Variants in DPYS observed in about 807,000 individuals in gnomAD.
The protein encoded by DPYS is dihydropyrimidine amidohydrolase.
A neutral mutation model predicts 50.3 loss-of-function variants in DPYS; 39 were observed. That is an observed-to-expected ratio of 0.78 (90% CI 0.60 to 1.01). The LOEUF (loss-of-function observed/expected upper bound fraction) is 1.01. Among genes scored for constraint, DPYS ranks in the 50% least tolerant of loss-of-function variants. The probability of loss-of-function intolerance (pLI) is 0.00; values close to 1 mark genes in which losing one functional copy is unlikely to be tolerated. For synonymous variants in DPYS, 245 were observed against 250.7 expected, an observed-to-expected ratio of 0.98 and a Z score of 0.22; for missense variants, 659 against 680.9, an observed-to-expected ratio of 0.97 and a Z score of 0.36.
chr8:104,447,607 AG>A (rs1813584618), intron 2 of DPYS, 104 bp from the exon 3 acceptor site: 2 of 1,315,826 alleles, frequency 1.5e-6, no homozygotes, highest in Middle Eastern at 2.4e-4. Context: ...AAGTAAAATA[AG>A]GAAAATAAGG....
At position 104,428,037 on chromosome 8, in the gene DPYS, G is replaced by T. The variant is rs1588435868; in HGVS notation, c.1035C>A (p.Ile345=). 1 of 1,614,212 alleles carries T rather than the reference G, an allele frequency of 6.2e-7. No individual in the cohort carries two copies. ...CTTCAACACCATTCACCCCATTGGGGATCTTGGTAAAATCATCCTTCCCAA... is the reference window on the plus strand; with the variant it reads ...CTTCAACACCATTCACCCCATTGGGTATCTTGGTAAAATCATCCTTCCCAA... ...KALGKDDFTK[I]PNGVNGVEDR... The change falls in exon 6 of 10, where the codon ATC becomes ATA. Residue 345 remains isoleucine (I), a synonymous_variant. Transcript: ENST00000351513.
At position 104,424,386 on chromosome 8, in the gene DPYS, T is replaced by G; in HGVS notation, c.1096A>C (p.Ser366Arg). The change falls in exon 7 of 10, where the codon AGT becomes CGT. Residue 366 changes from serine to arginine, a missense_variant. Coordinates refer to ENST00000351513, the MANE Select transcript of DPYS (RefSeq NM_001385.3). ...AATCTGTTTTCATCCATTTTACCAC[T>G]ATGCTGTAAAGCAATTCAAAGAATC... ...MSVIWEKGVH[S>R]GKMDENRFVA... The G allele has an allele frequency of 6.2e-7, 1 of 1,613,706 alleles. No individual in the cohort carries two copies. The highest frequency in any genetic ancestry group is 8.5e-7 in the Non-Finnish European group (1 of 1,179,970).
intron 8 of DPYS, 87 bp downstream of exon 8, chr8:104,392,697 C>CATCACA (rs1168866388): frequency 2.6e-6 from 4 of 1,520,658 alleles, no homozygotes; most frequent in Non-Finnish European, 3.6e-6. Context: ...GATGTGTCAA[C>CATCACA]ACCACTACTA....
At chr8:104,393,748 A>G (rs1311907906) in intron 7 of DPYS, among the ~76,000 whole-genome samples, 1 of 152,244 alleles carries the variant, frequency 6.6e-6, no homozygotes, top group African/African-American at 2.4e-5. Flanking sequence ...TTAAATGGAA[A>G]AGAAAAAAAT....
In DPYS at chr8:104,451,375, A is replaced by C. The variant is rs575807600; in HGVS notation, c.294T>G (p.Ile98Met). Reference protein sequence around the residue: ...KAALSGGTTMIIDFAIPQKGG... With the variant: ...KAALSGGTTMMIDFAIPQKGG... ...CTTTCTGAGGAATGGCGAAATCAAT[A>C]ATCATGGTGGTGCCTCCTGAGAGAG... The change falls in exon 2 of 10, where the codon ATT becomes ATG. Residue 98 changes from isoleucine to methionine, a missense_variant. Physicochemically the swap from Ile to Met is conservative, Grantham distance 10. Coordinates refer to ENST00000351513, the MANE Select transcript of DPYS (RefSeq NM_001385.3). The C allele has an allele frequency of 6.2e-7, 1 of 1,614,186 alleles. No individual in the cohort carries two copies. The highest frequency in any genetic ancestry group is 2.2e-5 in the East Asian group (1 of 44,890).
intron 2 of DPYS, among the ~76,000 whole-genome samples, chr8:104,449,676 T>A (rs982044487): frequency 1.3e-5 from 2 of 152,214 alleles, no homozygotes; most frequent in African/African-American, 4.8e-5. Context: ...GAAACTGGGA[T>A]GCAGACCTCC....
intron 6 of DPYS, 78 bp from the exon 7 acceptor site, chr8:104,424,467 T>C: frequency 1.4e-6 from 2 of 1,473,620 alleles, no homozygotes; most frequent in Non-Finnish European, 1.9e-6. Flanking sequence ...AAGACTTGCA[T>C]CTCTTAAACA....
chr8:104,388,063 A>C (rs2140510353), intron 8 of DPYS, among the ~76,000 whole-genome samples: 1 of 152,350 alleles, frequency 6.6e-6, no homozygotes, highest in South Asian at 2.1e-4. Context: ...ATTAACCTGA[A>C]GAAATTAGGA....
At chr8:104,389,034 T>C (rs1297263795) in intron 8 of DPYS, among the ~76,000 whole-genome samples, 1 of 152,192 alleles carries the variant, frequency 6.6e-6, no homozygotes, top group African/African-American at 2.4e-5. Context: ...AGATGCCACC[T>C]ATGTACCAAG....
chr8:104,462,149 T>C (rs899235173), intron 1 of DPYS, among the ~76,000 whole-genome samples: 1 of 152,226 alleles, frequency 6.6e-6, no homozygotes, highest in African/African-American at 2.4e-5. Context: ...TTTTATAACT[T>C]AAAAAACTCT....
In DPYS at chr8:104,436,558, C is replaced by T. The variant is rs1359221285; in HGVS notation, c.794-6857G>A. Among the ~76,000 whole-genome samples the T allele has an allele frequency of 8.6e-5, 13 of 151,932 alleles. No individual in the cohort carries two copies. In the East Asian group the frequency reaches 1.9e-3, roughly 23 times the overall value. On this transcript the variant is annotated intron_variant, in intron 4 of 9. Coordinates refer to ENST00000351513, the MANE Select transcript of DPYS (RefSeq NM_001385.3). ...CTGGGAGAAGAAGGTTGCAGTGAGC[C>T]GAGATTGTGCCAGCCTAGGCAACAG...
chr8:104,399,290 C>CAAAGA (rs1811700325), intron 7 of DPYS, among the ~76,000 whole-genome samples: 1 of 74,924 alleles, frequency 1.3e-5, no homozygotes, highest in Non-Finnish European at 2.3e-5. Flanking sequence ...GACTCCATCT[C>CAAAGA]AAAAAAAAAA....
At chr8:104,381,154 G>A (rs1277344295) in intron 9 of DPYS, 30 bp downstream of exon 9, 13 of 1,567,032 alleles carry the variant, frequency 8.3e-6, no homozygotes, top group East Asian at 2.2e-5. Flanking sequence ...CTGTCATGCA[G>A]GAAGACTTTT....
intron 8 of DPYS, among the ~76,000 whole-genome samples, chr8:104,389,423 C>T (rs1588398196): frequency 1.3e-5 from 2 of 152,194 alleles, no homozygotes; most frequent in Non-Finnish European, 1.5e-5. Context: ...CATCTCCAGA[C>T]AGTTCCCAAA....
intron 7 of DPYS, among the ~76,000 whole-genome samples, chr8:104,402,800 C>T (rs1277471566): frequency 6.6e-6 from 1 of 152,190 alleles, no homozygotes; most frequent in Non-Finnish European, 1.5e-5. Context: ...CCTAGGCCAA[C>T]TAAGAATCCC....
At chr8:104,427,180 AAC>A in intron 6 of DPYS, among the ~76,000 whole-genome samples, 1 of 150,082 alleles carries the variant, frequency 6.7e-6, no homozygotes, top group East Asian at 2.0e-4. Context: ...CAGTCCGGGC[AAC>A]AGAGTGAGAC....
At chr8:104,437,149 G>T (rs1327090334) in intron 4 of DPYS, among the ~76,000 whole-genome samples, 3 of 152,172 alleles carry the variant, frequency 2.0e-5, no homozygotes, top group Admixed American at 1.3e-4. Context: ...ACATGAATAT[G>T]GAGGAAAATA....
intron 8 of DPYS, among the ~76,000 whole-genome samples, chr8:104,384,968 C>T (rs1811166158): frequency 6.6e-6 from 1 of 152,178 alleles, no homozygotes; most frequent in Non-Finnish European, 1.5e-5. Flanking sequence ...GGTTGGTGGG[C>T]CCAGAGCTCT....
chr8:104,381,852 T>TCTCACA (rs1554689945), intron 8 of DPYS, among the ~76,000 whole-genome samples: 1 of 123,872 alleles, frequency 8.1e-6, no homozygotes, highest in African/African-American at 3.5e-5. Flanking sequence ...AGTTTTGAAA[T>TCTCACA]CACACACACA....
Sources: gnomAD v4.1 joint callset for allele counts (sites outside exome capture counted in the v4.1 genomes callset) on GRCh38, gnomAD v4.1.1 for gene constraint, MANE v1.5 for transcripts, NCBI Gene and HGNC (gene_info 2026-07-23, HGNC 2026-07-21) for gene names.